Variants in UBE2G1 observed in about 807,000 individuals in gnomAD.
UBE2G1 encodes ubiquitin-conjugating enzyme E2 G1.
A neutral mutation model predicts 22.7 loss-of-function variants in UBE2G1; 5 were observed. The observed-to-expected ratio is 0.22, with a 90% confidence interval of 0.12 to 0.46. UBE2G1 has a LOEUF of 0.46. UBE2G1 is among the 20% of genes least tolerant of loss of function. The probability of loss-of-function intolerance (pLI) is 0.99; values close to 1 mark genes in which losing one functional copy is unlikely to be tolerated. For missense variants in UBE2G1, 88 were observed against 203.9 expected, an observed-to-expected ratio of 0.43 and a Z score of 3.46; for synonymous variants, 74 against 67.5, an observed-to-expected ratio of 1.10 and a Z score of -0.47.
chr17:4,312,214 T>C (rs35048765), intron 1 of UBE2G1, among the ~76,000 whole-genome samples: 82,898 of 150,160 alleles, frequency 0.55, 25,875 homozygotes, highest in East Asian at 0.8. Flanking sequence ...GCCTGGGCAA[T>C]AGAGTGAAAC....
At chr17:4,313,739 G>A (rs957261972) in intron 1 of UBE2G1, among the ~76,000 whole-genome samples, 3 of 152,206 alleles carry the variant, frequency 2.0e-5, no homozygotes, top group South Asian at 4.2e-4. Context: ...TAATATGTGC[G>A]TACTTTCCTG....
intron 1 of UBE2G1, among the ~76,000 whole-genome samples, chr17:4,328,633 A>G (rs1035152573): frequency 6.6e-6 from 1 of 152,228 alleles, no homozygotes; most frequent in Admixed American, 6.5e-5. Context: ...GTGAGGTACC[A>G]AGAACCCATA....
At chr17:4,276,399 C>T (rs1405492454) in intron 5 of UBE2G1, among the ~76,000 whole-genome samples, 1 of 151,972 alleles carries the variant, frequency 6.6e-6, no homozygotes, top group Non-Finnish European at 1.5e-5. Context: ...CAAACTCCCA[C>T]CCACCGATCT....
At chr17:4,330,676 G>A (rs536415415) in intron 1 of UBE2G1, among the ~76,000 whole-genome samples, 1 of 152,220 alleles carries the variant, frequency 6.6e-6, no homozygotes, top group Non-Finnish European at 1.5e-5. Context: ...GGCGGAGGTT[G>A]CGGTGAGCCA....
At chr17:4,341,523 TCTA>T (rs939045870) in intron 1 of UBE2G1, among the ~76,000 whole-genome samples, 9 of 152,096 alleles carry the variant, frequency 5.9e-5, no homozygotes, top group Non-Finnish European at 1.3e-4. Context: ...GGTTCTTCTC[TCTA>T]CTAAATTCAA....
rs1969284452 is a variant in UBE2G1, at chr17:4,309,569, CAG to C, written c.47-2448_47-2447del. The stretch of plus-strand genomic sequence containing the variant: ...ATGTTGCAGACATTCTATTAAAAAA[CAG>C]AAAGTCCCACTTTCCTGTCAACTGA... On this transcript the variant is annotated intron_variant, in intron 1 of 5. Transcript: ENST00000396981. Among the ~76,000 whole-genome samples, 10 of 152,338 alleles carry C rather than the reference CAG, an allele frequency of 6.6e-5. 2 individuals are homozygous for C. The highest frequency in any genetic ancestry group is 6.5e-4 in the Admixed American group (10 of 15,306).
chr17:4,310,533 G>A (rs937900744), intron 1 of UBE2G1, among the ~76,000 whole-genome samples: 2 of 152,186 alleles, frequency 1.3e-5, no homozygotes, highest in African/African-American at 4.8e-5. Flanking sequence ...TGACTGGAAC[G>A]GCGGGGGGCA....
Position 4,270,604 on chromosome 17 carries a change from G to A in UBE2G1, c.*1950C>T, listed in dbSNP as rs1322908619. On this transcript the variant is annotated 3_prime_UTR_variant, in exon 6 of 6. Coordinates refer to ENST00000396981, the MANE Select transcript of UBE2G1 (RefSeq NM_003342.5). Reference sequence around the variant, plus strand: ...TGTATTCCAAGTCCCTGGAGGGTGTGCAGTGCTGACATTTTGGGGCAACTA... The same window carrying A: ...TGTATTCCAAGTCCCTGGAGGGTGTACAGTGCTGACATTTTGGGGCAACTA... 1.3e-5 allele frequency: 2 copies of A among 151,002 alleles called. No homozygotes were observed. Among genetic ancestry groups the A allele is most frequent in the Non-Finnish European group, 2.9e-5 (2 of 67,824 alleles). 9.4% of individuals were successfully genotyped at this position (151,002 alleles called of 1,614,324 possible).
At chr17:4,284,472 G>A (rs1043749911) in intron 4 of UBE2G1, among the ~76,000 whole-genome samples, 6 of 151,412 alleles carry the variant, frequency 4.0e-5, no homozygotes, top group African/African-American at 1.5e-4. Context: ...ATGGTGGCAC[G>A]TGCCTATAAT....
rs528622241 is a variant in UBE2G1, at chr17:4,349,273, T to A, written c.46+16998A>T. 3.3e-5 allele frequency among the ~76,000 whole-genome samples: 5 copies of A among 152,102 alleles called. No individual in the cohort carries two copies. In the South Asian group the frequency reaches 1.0e-3, roughly 32 times the overall value. On this transcript the variant is annotated intron_variant, in intron 1 of 5. Transcript: ENST00000396981. ...AGGCAGAGGTTGCAGTGAGCCAAAT[T>A]TGCACCACTGCACTCCAGCCTAGGA...
intron 2 of UBE2G1, 77 bp downstream of exon 2, chr17:4,306,944 C>G: frequency 7.2e-7 from 1 of 1,395,978 alleles, no homozygotes; most frequent in South Asian, 1.2e-5. Context: ...GCCACCGTGC[C>G]CAGCCTGCCA....
At chr17:4,327,653 T>G (rs1000770110) in intron 1 of UBE2G1, among the ~76,000 whole-genome samples, 4 of 151,968 alleles carry the variant, frequency 2.6e-5, no homozygotes, top group African/African-American at 9.7e-5. Context: ...AATGGAGTAG[T>G]TAAAAAGTCC....
chr17:4,279,837 C>A (rs1968865875), intron 5 of UBE2G1, among the ~76,000 whole-genome samples: 1 of 117,446 alleles, frequency 8.5e-6, no homozygotes, highest in Non-Finnish European at 1.8e-5. Flanking sequence ...ATATATGAAC[C>A]TCAGTTTGTC....
intron 1 of UBE2G1, among the ~76,000 whole-genome samples, chr17:4,312,181 C>T (rs1052602875): frequency 2.7e-5 from 4 of 150,506 alleles, no homozygotes; most frequent in East Asian, 2.0e-4. Flanking sequence ...CGGAGGTCAC[C>T]GAGATCATGC....
chr17:4,339,179 T>C (rs1042207414), intron 1 of UBE2G1, among the ~76,000 whole-genome samples: 14 of 152,198 alleles, frequency 9.2e-5, no homozygotes, highest in South Asian at 2.1e-4. Context: ...TTGTGGAAGA[T>C]TGACACCTTT....
chr17:4,355,855 C>G (rs907085002), intron 1 of UBE2G1, among the ~76,000 whole-genome samples: 18 of 147,192 alleles, frequency 1.2e-4, no homozygotes, highest in African/African-American at 3.7e-4. Context: ...TGTGCACCAC[C>G]ACACCCAGCT....
At chr17:4,303,733 T>C (rs1024777206) in intron 2 of UBE2G1, among the ~76,000 whole-genome samples, 1 of 152,232 alleles carries the variant, frequency 6.6e-6, no homozygotes, top group Non-Finnish European at 1.5e-5. Flanking sequence ...ATAACTGGAA[T>C]AGAATTTTGC....
In UBE2G1 at chr17:4,269,432, G is replaced by A. The variant is rs1968724012; in HGVS notation, c.*3122C>T. On this transcript the variant is annotated 3_prime_UTR_variant, in exon 6 of 6. Coordinates refer to ENST00000396981, the MANE Select transcript of UBE2G1 (RefSeq NM_003342.5). ...TTATGTCAAATTTCAAAGATGCTGAGAAGTGGCAGTACAAAAAAGGTAATT... is the reference window on the plus strand; with the variant it reads ...TTATGTCAAATTTCAAAGATGCTGAAAAGTGGCAGTACAAAAAAGGTAATT... 1 of 163,712 alleles carries A rather than the reference G, an allele frequency of 6.1e-6. No individual in the cohort carries two copies. The allele number at this position is 163,712 out of a possible 1,614,324, so 10.1% of individuals were successfully genotyped here. A position where few individuals can be genotyped will look rare whatever the true frequency, so the allele number is the denominator to read the frequency against.
At chr17:4,303,278 T>A (rs1445658597) in intron 2 of UBE2G1, among the ~76,000 whole-genome samples, 1 of 152,220 alleles carries the variant, frequency 6.6e-6, no homozygotes, top group East Asian at 1.9e-4. Context: ...CAAATTATAG[T>A]ACAAACAGTC....
Sources: gnomAD v4.1 joint callset for allele counts (sites outside exome capture counted in the v4.1 genomes callset) on GRCh38, gnomAD v4.1.1 for gene constraint, MANE v1.5 for transcripts, NCBI Gene and HGNC (gene_info 2026-07-23, HGNC 2026-07-21) for gene names.